COL21A1: variants seen among roughly 807,000 people sequenced by gnomAD.
COL21A1 encodes the protein collagen type XXI alpha 1 chain.
A neutral mutation model predicts 137.9 loss-of-function variants in COL21A1; 149 were observed. That is an observed-to-expected ratio of 1.08 (90% confidence interval 0.95 to 1.24). The LOEUF (loss-of-function observed/expected upper bound fraction) is 1.24. COL21A1 is among the 50% of genes most tolerant of loss of function. COL21A1 has a pLI of 0.00. For synonymous variants in COL21A1, 456 were observed against 391.5 expected (o/e 1.16, Z -1.95); for missense variants, 1,167 against 1,158.4 (o/e 1.01, Z -0.11).
chr6:56,260,547 C>T (rs1160863690), intron 1 of COL21A1, among the ~76,000 whole-genome samples: 1 of 143,554 alleles, frequency 7.0e-6, no homozygotes, highest in African/African-American at 2.6e-5. Context: ...GCACTTCAGC[C>T]TGGGTGACAG....
intron 1 of COL21A1, among the ~76,000 whole-genome samples, chr6:56,265,416 C>A (rs1286628429): frequency 6.6e-6 from 1 of 152,206 alleles, no homozygotes; most frequent in African/African-American, 2.4e-5. Flanking sequence ...AGCCCAGGGG[C>A]TACAACAGAG....
At chr6:56,079,252 T>A (rs1047349351) in intron 17 of COL21A1, among the ~76,000 whole-genome samples, 2 of 151,742 alleles carry the variant, frequency 1.3e-5, no homozygotes, top group Non-Finnish European at 3.0e-5. Context: ...GCTGGAAAAC[T>A]GGTACAGTTC....
chr6:56,312,794 G>A (rs1764642305), intron 1 of COL21A1, among the ~76,000 whole-genome samples: 1 of 152,150 alleles, frequency 6.6e-6, no homozygotes, highest in African/African-American at 2.4e-5. Flanking sequence ...GATACCATCT[G>A]GCGCACCTCA....
intron 1 of COL21A1, among the ~76,000 whole-genome samples, chr6:56,335,031 G>A (rs1352331939): frequency 4.6e-5 from 7 of 152,106 alleles, no homozygotes; most frequent in Non-Finnish European, 8.8e-5. Flanking sequence ...TGTTATAGCA[G>A]CAGGAAAAAA....
At chr6:56,343,420 T>TA (rs929677057) in intron 1 of COL21A1, among the ~76,000 whole-genome samples, 2 of 152,180 alleles carry the variant, frequency 1.3e-5, no homozygotes, top group Non-Finnish European at 2.9e-5. Context: ...GCCAAGCTTT[T>TA]AAAAAATTGC....
At position 56,318,213 on chromosome 6, in the gene COL21A1, T is replaced by A. The variant is rs1764785786; in HGVS notation, c.-39+75758A>T. The stretch of plus-strand genomic sequence containing the variant: ...TCCCTTGCATACAACCTCAAACCCC[T>A]TTCTTCTTCTTTATATTCTCTTAGT... On this transcript the variant is annotated intron_variant, in intron 1 of 28. Transcript: ENST00000370819. Among the ~76,000 whole-genome samples the A allele has an allele frequency of 3.9e-5, 6 of 152,122 alleles. 1 individual carries two copies. Among genetic ancestry groups the A allele is most frequent in the Admixed American group, 3.3e-4 (5 of 15,264 alleles).
chr6:56,243,759 A>G (rs1782485617), intron 1 of COL21A1, among the ~76,000 whole-genome samples: 1 of 152,198 alleles, frequency 6.6e-6, no homozygotes, highest in Non-Finnish European at 1.5e-5. Flanking sequence ...TTAAACAACT[A>G]GAAAGTAATG....
upstream of COL21A1, among the ~76,000 whole-genome samples, chr6:56,251,694 G>C (rs963053279): frequency 1.2e-4 from 18 of 152,236 alleles, no homozygotes; most frequent in Admixed American, 9.2e-4. Context: ...CTAGTCTAGT[G>C]AATGAAATTT....
At chr6:56,229,494 A>G (rs1781413740) in intron 1 of COL21A1, among the ~76,000 whole-genome samples, 1 of 152,018 alleles carries the variant, frequency 6.6e-6, no homozygotes. Context: ...CACATAATTG[A>G]ATTATCGTAC....
intron 12 of COL21A1, among the ~76,000 whole-genome samples, chr6:56,139,466 C>T (rs1774250437): frequency 6.7e-6 from 1 of 149,288 alleles, no homozygotes. Flanking sequence ...AAATCTCACA[C>T]ACATGCACAC....
intron 1 of COL21A1, among the ~76,000 whole-genome samples, chr6:56,333,979 T>A (rs1376688479): frequency 6.6e-6 from 1 of 152,116 alleles, no homozygotes; most frequent in Non-Finnish European, 1.5e-5. Context: ...GTTCTATATA[T>A]GTTCTGGTTA....
chr6:56,200,578 T>A (rs1190677998), intron 1 of COL21A1, among the ~76,000 whole-genome samples: 2 of 151,420 alleles, frequency 1.3e-5, no homozygotes. Context: ...CTTGTGATAG[T>A]TTGCTGAGAA....
chr6:56,277,326 G>A (rs1421667668), intron 1 of COL21A1, among the ~76,000 whole-genome samples: 1 of 152,076 alleles, frequency 6.6e-6, no homozygotes, highest in Admixed American at 6.6e-5. Context: ...CCCGGTGTGC[G>A]ATGTTCCCCT....
intron 1 of COL21A1, among the ~76,000 whole-genome samples, chr6:56,367,150 T>A (rs1427889182): frequency 6.6e-6 from 1 of 152,226 alleles, no homozygotes; most frequent in Non-Finnish European, 1.5e-5. Flanking sequence ...TATTTAGAAT[T>A]GATTTAAAAT....
intron 1 of COL21A1, among the ~76,000 whole-genome samples, chr6:56,219,781 T>A (rs1441643642): frequency 6.6e-6 from 1 of 152,122 alleles, no homozygotes; most frequent in Non-Finnish European, 1.5e-5. Context: ...CTTGTTGCAA[T>A]GAATATTTTT....
intron 1 of COL21A1, among the ~76,000 whole-genome samples, chr6:56,384,698 A>G (rs1455004522): frequency 6.6e-6 from 1 of 152,116 alleles, no homozygotes; most frequent in Non-Finnish European, 1.5e-5. Context: ...TTTTTTCTGA[A>G]TATTTTTAGG....
intron 17 of COL21A1, among the ~76,000 whole-genome samples, chr6:56,087,157 T>C (rs1768342189): frequency 2.0e-5 from 3 of 152,222 alleles, no homozygotes; most frequent in Admixed American, 1.3e-4. Context: ...GGTTGTGTCA[T>C]AAGATCATGT....
intron 1 of COL21A1, among the ~76,000 whole-genome samples, chr6:56,330,642 T>C (rs1046052043): frequency 1.3e-5 from 2 of 152,086 alleles, no homozygotes; most frequent in African/African-American, 4.8e-5. Context: ...TAATATTTCA[T>C]CCCTCGCCTC....
intron 1 of COL21A1, among the ~76,000 whole-genome samples, chr6:56,190,023 T>C (rs1254933151): frequency 1.3e-5 from 2 of 151,900 alleles, no homozygotes; most frequent in Non-Finnish European, 2.9e-5. Flanking sequence ...ACATACACAA[T>C]TGTAAAGACC....
Sources: gnomAD v4.1 joint callset for allele counts (sites outside exome capture counted in the v4.1 genomes callset) on GRCh38, gnomAD v4.1.1 for gene constraint, MANE v1.5 for transcripts, NCBI Gene and HGNC (gene_info 2026-07-23, HGNC 2026-07-21) for gene names.